AP2B1: variants seen among roughly 807,000 people sequenced by gnomAD.
The protein encoded by AP2B1 is adaptor related protein complex 2 subunit beta 1.
AP2B1 carries 23 observed loss-of-function variants against 102.0 expected under a neutral mutation model. That is an observed-to-expected ratio of 0.23 (90% confidence interval 0.16 to 0.32). The LOEUF is 0.32. Ranked by LOEUF, AP2B1 falls within the 10% of genes least tolerant of loss-of-function variation. The pLI is 1.00. For synonymous variants in AP2B1, 381 were observed against 421.2 expected, an observed-to-expected ratio of 0.90 and a Z score of 1.17; for missense variants, 541 against 1,157.4, an observed-to-expected ratio of 0.47 and a Z score of 7.73.
Position 35,623,285 on chromosome 17 carries a change from C to G in AP2B1, c.526-1112C>G, listed in dbSNP as rs568248506. On this transcript the variant is annotated intron_variant, in intron 5 of 21. Transcript: ENST00000610402. ...TAGTATAAGGTAGCAATTTTTCAGC[C>G]GGGCATGGTGGCTCACACCTGTAAT... 2.0e-5 allele frequency among the ~76,000 whole-genome samples: 3 copies of G among 151,930 alleles called. No individual in the cohort carries two copies. The South Asian group carries it at 6.2e-4, about 32-fold the overall frequency.
chr17:35,683,174 C>T (rs371520619), intron 18 of AP2B1, among the ~76,000 whole-genome samples: 4 of 152,140 alleles, frequency 2.6e-5, no homozygotes, highest in Non-Finnish European at 5.9e-5. Context: ...CACCGCGCCT[C>T]GCCCAATTTT....
chr17:35,599,737 C>G lies in AP2B1; in HGVS notation c.143+1402C>G, dbSNP rs1396296858. On this transcript the variant is annotated intron_variant, in intron 3 of 21. Coordinates refer to ENST00000610402, the MANE Select transcript of AP2B1 (RefSeq NM_001030006.2). ...TAGCCAACATGGTGAAATTCTGTCT[C>G]TACTAAAAAAAAATACAAAAAAATT... is the stretch of plus-strand genomic sequence containing the variant. Among the ~76,000 whole-genome samples the G allele has an allele frequency of 5.9e-5, 9 of 151,814 alleles. No homozygotes were observed. In the South Asian group the frequency reaches 1.9e-3, roughly 32 times the overall value.
chr17:35,669,846 G>A (rs2075549211), intron 14 of AP2B1, among the ~76,000 whole-genome samples: 1 of 152,180 alleles, frequency 6.6e-6, no homozygotes, highest in Non-Finnish European at 1.5e-5. Flanking sequence ...CAAGGCATTT[G>A]ATGATTCAAG....
chr17:35,722,831 A>G (rs984395255), intron 21 of AP2B1, among the ~76,000 whole-genome samples: 1 of 152,176 alleles, frequency 6.6e-6, no homozygotes, highest in Non-Finnish European at 1.5e-5. Context: ...GCCTAATCTA[A>G]TACAATTAAG....
chr17:35,617,512 G>C (rs1424171049), intron 5 of AP2B1, among the ~76,000 whole-genome samples: 1 of 152,176 alleles, frequency 6.6e-6, no homozygotes, highest in Non-Finnish European at 1.5e-5. Flanking sequence ...GAATTTTAAA[G>C]ATTAAATTTT....
chr17:35,666,595 C>T (rs955834313), intron 14 of AP2B1, among the ~76,000 whole-genome samples: 1 of 152,110 alleles, frequency 6.6e-6, no homozygotes, highest in Non-Finnish European at 1.5e-5. Context: ...ATGGCAGCCT[C>T]AGTAAGGCAA....
chr17:35,720,979 T>G (rs2085374016), intron 21 of AP2B1, among the ~76,000 whole-genome samples: 1 of 152,062 alleles, frequency 6.6e-6, no homozygotes, highest in African/African-American at 2.4e-5. Context: ...GACTCTAAAG[T>G]CATTCTGATC....
intron 4 of AP2B1, among the ~76,000 whole-genome samples, chr17:35,607,152 A>G (rs958803828): frequency 3.3e-5 from 5 of 152,068 alleles, no homozygotes; most frequent in Admixed American, 6.5e-5. Flanking sequence ...TGATCCGCCC[A>G]CCTTGGCCTC....
intron 17 of AP2B1, among the ~76,000 whole-genome samples, chr17:35,674,762 T>A (rs1457149479): frequency 6.6e-6 from 1 of 152,228 alleles, no homozygotes; most frequent in Non-Finnish European, 1.5e-5. Context: ...GAGCCCTGGC[T>A]CTTGCAAGCC....
At chr17:35,718,320 G>C (rs1170222933) in intron 21 of AP2B1, among the ~76,000 whole-genome samples, 10 of 89,650 alleles carry the variant, frequency 1.1e-4, no homozygotes, top group African/African-American at 3.7e-4. Flanking sequence ...AGCTGTGTGT[G>C]TGTGTGTGTG....
chr17:35,612,221 G>A (rs2073885673), intron 5 of AP2B1, among the ~76,000 whole-genome samples: 1 of 152,164 alleles, frequency 6.6e-6, no homozygotes, highest in East Asian at 1.9e-4. Context: ...TGCCTGGAGT[G>A]TAAAATTTAA....
intron 18 of AP2B1, 40 bp from the exon 19 acceptor site, chr17:35,709,184 C>T: frequency 6.4e-7 from 1 of 1,571,598 alleles, no homozygotes; most frequent in African/African-American, 1.3e-5. Context: ...TACCTGGCTC[C>T]CTGCGATGTC....
chr17:35,697,964 G>A (rs1003734957), intron 18 of AP2B1, among the ~76,000 whole-genome samples: 2 of 152,080 alleles, frequency 1.3e-5, no homozygotes, highest in African/African-American at 4.8e-5. Flanking sequence ...CGTCTCAAAA[G>A]CTAGGGCAAA....
intron 5 of AP2B1, among the ~76,000 whole-genome samples, chr17:35,616,382 A>G (rs1417144178): frequency 6.6e-6 from 1 of 151,644 alleles, no homozygotes; most frequent in Non-Finnish European, 1.5e-5. Flanking sequence ...GTTAGTCAGG[A>G]TGGTCTCAAT....
At chr17:35,701,925 T>C (rs2076246904) in intron 18 of AP2B1, among the ~76,000 whole-genome samples, 1 of 152,190 alleles carries the variant, frequency 6.6e-6, no homozygotes, top group African/African-American at 2.4e-5. Context: ...CCAAGCCCCA[T>C]AGAACTTTTA....
chr17:35,648,677 A>G (rs921224682), intron 12 of AP2B1, among the ~76,000 whole-genome samples: 1 of 152,144 alleles, frequency 6.6e-6, no homozygotes, highest in African/African-American at 2.4e-5. Flanking sequence ...GTGCAGTCGT[A>G]TATATCAACA....
intron 14 of AP2B1, among the ~76,000 whole-genome samples, chr17:35,660,494 T>C (rs2075334494): frequency 6.6e-6 from 1 of 150,798 alleles, no homozygotes; most frequent in African/African-American, 2.4e-5. Context: ...TTTTTTTTTT[T>C]TTTTTGGAGG....
At chr17:35,713,220 C>T (rs587772989) in intron 20 of AP2B1, among the ~76,000 whole-genome samples, 30 of 152,336 alleles carry the variant, frequency 2.0e-4, no homozygotes, top group African/African-American at 7.0e-4. Flanking sequence ...TCACGCCAAT[C>T]GCTCCATGCT....
chr17:35,663,903 C>CGAAAA (rs1483682433), intron 14 of AP2B1, among the ~76,000 whole-genome samples: 1 of 152,134 alleles, frequency 6.6e-6, no homozygotes, highest in Non-Finnish European at 1.5e-5. Flanking sequence ...GTTCATGCAC[C>CGAAAA]TTTCTTGCAG....
Sources: gnomAD v4.1 joint callset for allele counts (sites outside exome capture counted in the v4.1 genomes callset) on GRCh38, gnomAD v4.1.1 for gene constraint, MANE v1.5 for transcripts, NCBI Gene and HGNC (gene_info 2026-07-23, HGNC 2026-07-21) for gene names.